The following KLF12 variants were observed in gnomAD, a reference collection of about 807,000 sequenced individuals.
KLF12 encodes Krueppel-like factor 12.
Under a neutral mutation model 37.8 loss-of-function variants are expected in KLF12, and 9 were observed. The observed-to-expected ratio is 0.24, with a 90% CI of 0.14 to 0.42. The LOEUF (loss-of-function observed/expected upper bound fraction) is 0.42, where lower values mean the gene tolerates loss of function less well. Among genes scored for constraint, KLF12 ranks in the 10% least tolerant of loss-of-function variants. The probability of loss-of-function intolerance (pLI) is 1.00; values close to 1 mark genes in which losing one functional copy is unlikely to be tolerated. For synonymous variants in KLF12, 208 were observed against 202.1 expected, an observed-to-expected ratio of 1.03 and a Z score of -0.25; for missense variants, 411 against 516.0, an observed-to-expected ratio of 0.80 and a Z score of 1.97.
the KLF12 span, among the ~76,000 whole-genome samples, chr13:74,286,447 TA>T: frequency 6.6e-6 from 1 of 152,154 alleles, no homozygotes; most frequent in Admixed American, 6.5e-5. Context: ...AGGGAAACAG[TA>T]AAAAGCGTAT....
At chr13:73,754,909 A>G (rs1879034868) in intron 6 of KLF12, among the ~76,000 whole-genome samples, 1 of 152,222 alleles carries the variant, frequency 6.6e-6, no homozygotes, top group Non-Finnish European at 1.5e-5. Context: ...AGGTGGCAGC[A>G]ACTTTCCTCT....
At chr13:73,916,249 A>G (rs12584394) in intron 3 of KLF12, among the ~76,000 whole-genome samples, 326 of 15,560 alleles carry the variant, frequency 0.021, 2 homozygotes, top group Middle Eastern at 0.056. Flanking sequence ...ACGCACACGC[A>G]CACACACACA....
chr13:74,039,153 T>C (rs969303428), intron 1 of KLF12, among the ~76,000 whole-genome samples: 1 of 152,190 alleles, frequency 6.6e-6, no homozygotes, highest in Non-Finnish European at 1.5e-5. Flanking sequence ...TATCCTGGTA[T>C]TTTAATTTAT....
chr13:74,038,498 C>T (rs750024422), intron 1 of KLF12, among the ~76,000 whole-genome samples: 1 of 152,094 alleles, frequency 6.6e-6, no homozygotes, highest in African/African-American at 2.4e-5. Context: ...AAGGTACAAT[C>T]GTACTCGACA....
the KLF12 span, among the ~76,000 whole-genome samples, chr13:74,295,839 G>T: frequency 6.6e-6 from 1 of 151,770 alleles, no homozygotes; most frequent in African/African-American, 2.4e-5. Context: ...TTTGAGACAG[G>T]GTCTCACTAT....
intron 1 of KLF12, among the ~76,000 whole-genome samples, chr13:74,085,202 C>A (rs896483287): frequency 1.4e-4 from 22 of 152,202 alleles, no homozygotes; most frequent in African/African-American, 5.3e-4. Flanking sequence ...TTCAAAACAT[C>A]TTTACTGAAG....
chr13:73,769,283 T>C (rs1880124056), intron 5 of KLF12, among the ~76,000 whole-genome samples: 1 of 152,228 alleles, frequency 6.6e-6, no homozygotes, highest in Non-Finnish European at 1.5e-5. Flanking sequence ...ACCGCTCTGA[T>C]GAAACTGCCC....
At chr13:74,284,389 T>G in the KLF12 span, among the ~76,000 whole-genome samples, 5 of 152,302 alleles carry the variant, frequency 3.3e-5, no homozygotes, top group African/African-American at 1.2e-4. Flanking sequence ...TTATTCAGAA[T>G]GTGATCCTCA....
intron 1 of KLF12, among the ~76,000 whole-genome samples, chr13:74,027,520 A>G (rs1200882235): frequency 6.6e-6 from 1 of 152,198 alleles, no homozygotes; most frequent in Admixed American, 6.5e-5. Context: ...AAGACAGAGT[A>G]TAGTCACCTT....
intron 2 of KLF12, among the ~76,000 whole-genome samples, chr13:73,957,011 GAAA>G (rs1890858801): frequency 7.8e-6 from 1 of 127,870 alleles, no homozygotes; most frequent in Non-Finnish European, 1.6e-5. Flanking sequence ...GAAAGGAAAG[GAAA>G]AGAAAGGAAA....
At chr13:73,897,334 C>A (rs775721453) in intron 3 of KLF12, among the ~76,000 whole-genome samples, 1 of 152,172 alleles carries the variant, frequency 6.6e-6, no homozygotes, top group African/African-American at 2.4e-5. Context: ...GCTTCCCAAG[C>A]GCAACATGCA....
chr13:73,834,756 C>T, intron 4 of KLF12, among the ~76,000 whole-genome samples: 1 of 152,216 alleles, frequency 6.6e-6, no homozygotes. Flanking sequence ...AAGTGATCCA[C>T]CCGCCACAGC....
At chr13:73,713,716 G>A (rs1253945465) in intron 7 of KLF12, among the ~76,000 whole-genome samples, 3 of 152,200 alleles carry the variant, frequency 2.0e-5, no homozygotes, top group Non-Finnish European at 2.9e-5. Flanking sequence ...GAATCTGTAA[G>A]ATGCAATCCT....
chr13:74,114,404 G>C (rs948837204), intron 1 of KLF12, among the ~76,000 whole-genome samples: 1 of 152,032 alleles, frequency 6.6e-6, no homozygotes, highest in African/African-American at 2.4e-5. Flanking sequence ...TAACTATTAT[G>C]CTTTGGGGAA....
chr13:74,233,320 C>A, the KLF12 span, among the ~76,000 whole-genome samples: 1 of 152,170 alleles, frequency 6.6e-6, no homozygotes, highest in African/African-American at 2.4e-5. Context: ...CATGGTCCAG[C>A]AGCCCTGACC....
At chr13:74,255,327 AT>A in the KLF12 span, among the ~76,000 whole-genome samples, 1 of 152,228 alleles carries the variant, frequency 6.6e-6, no homozygotes, top group Non-Finnish European at 1.5e-5. Context: ...AGCACATTGC[AT>A]GTGCCAGAGT....
At chr13:73,764,063 A>G (rs1221461998) in intron 6 of KLF12, among the ~76,000 whole-genome samples, 1 of 152,132 alleles carries the variant, frequency 6.6e-6, no homozygotes, top group East Asian at 1.9e-4. Context: ...TTAATTTGGA[A>G]GCTCAATCTT....
At chr13:74,289,330 C>T in the KLF12 span, 2 of 152,038 alleles carry the variant, frequency 1.3e-5, no homozygotes, top group East Asian at 1.9e-4. Context: ...TGTGGTGACA[C>T]GGTTATTAAT....
At chr13:74,287,096 G>A in the KLF12 span, among the ~76,000 whole-genome samples, 2 of 152,136 alleles carry the variant, frequency 1.3e-5, no homozygotes, top group Non-Finnish European at 2.9e-5. Flanking sequence ...AGTCCCTAGT[G>A]ACACCTGCTG....
Sources: gnomAD v4.1 joint callset for allele counts (sites outside exome capture counted in the v4.1 genomes callset) on GRCh38, gnomAD v4.1.1 for gene constraint, MANE v1.5 for transcripts, NCBI Gene and HGNC (gene_info 2026-07-23, HGNC 2026-07-21) for gene names.